KIF20B: variants seen among roughly 807,000 people sequenced by gnomAD.
The protein encoded by KIF20B is kinesin family member 20B, also known as kinesin-like protein KIF20B.
A neutral mutation model predicts 232.5 loss-of-function variants in KIF20B; 188 were observed. The ratio of observed to expected loss-of-function variants is 0.81; its 90% confidence interval spans 0.72 to 0.91. The LOEUF (loss-of-function observed/expected upper bound fraction) is 0.91. Among genes scored for constraint, KIF20B ranks in the 40% least tolerant of loss-of-function variants. The pLI is 0.00. For synonymous variants in KIF20B, 712 were observed against 683.0 expected, an observed-to-expected ratio of 1.04 and a Z score of -0.66; for missense variants, 2,154 against 2,055.9, an observed-to-expected ratio of 1.05 and a Z score of -0.92.
intron 18 of KIF20B, 71 bp from the exon 19 acceptor site, chr10:89,732,832 G>C: frequency 7.6e-7 from 1 of 1,317,688 alleles, no homozygotes; most frequent in Non-Finnish European, 1.0e-6. Context: ...ACCATTGAAA[G>C]TAATTTATGT....
At chr10:89,741,562 T>C (rs897259758) in intron 21 of KIF20B, among the ~76,000 whole-genome samples, 1 of 152,342 alleles carries the variant, frequency 6.6e-6, no homozygotes, top group Admixed American at 6.5e-5. Context: ...AGTTGACATA[T>C]TATCTTAATC....
At chr10:89,765,548 A>G (rs1373770653) in intron 29 of KIF20B, among the ~76,000 whole-genome samples, 3 of 152,124 alleles carry the variant, frequency 2.0e-5, no homozygotes, top group African/African-American at 4.8e-5. Context: ...TAAAGTTCAT[A>G]TGGAACCAAA....
At chr10:89,760,748 C>T (rs1842222635) in intron 28 of KIF20B, 112 bp downstream of exon 28, 3 of 638,398 alleles carry the variant, frequency 4.7e-6, no homozygotes, top group Non-Finnish European at 8.2e-6. Context: ...GCTGTGTGTG[C>T]TCTGGGCTGT....
chr10:89,738,437 G>C lies in KIF20B; in HGVS notation c.3596G>C (p.Arg1199Thr), dbSNP rs1841716305. The change falls in exon 20 of 33, where the codon AGA (arginine) becomes ACA (threonine). Residue 1199 changes from arginine to threonine, a missense_variant. Transcript: ENST00000371728. Reference sequence around the variant, plus strand: ...GAATCTATCATCTTAAAGCTAGAAAGAAATTTGAAGGAATTTCAAGAACAT... The same window carrying C: ...GAATCTATCATCTTAAAGCTAGAAACAAATTTGAAGGAATTTCAAGAACAT... ...EKESIILKLERNLKEFQEHLQ... is the reference protein window; with the variant it reads ...EKESIILKLETNLKEFQEHLQ... 6.2e-7 allele frequency: 1 copy of C among 1,602,866 alleles called. No individual in the cohort carries two copies. Among genetic ancestry groups the C allele is most frequent in the South Asian group, 1.1e-5 (1 of 87,416 alleles).
intron 25 of KIF20B, 66 bp downstream of exon 25, chr10:89,752,757 G>T (rs906566742): frequency 8.4e-7 from 1 of 1,186,684 alleles, no homozygotes; most frequent in Non-Finnish European, 1.1e-6. Context: ...AATAAGAGGA[G>T]AATTCAGTAT....
chr10:89,738,028 G>A lies in KIF20B; in HGVS notation c.3187G>A (p.Glu1063Lys). 1 of 1,613,422 alleles carries A rather than the reference G, an allele frequency of 6.2e-7. No individual in the cohort carries two copies. The highest frequency in any genetic ancestry group is 8.5e-7 in the Non-Finnish European group (1 of 1,179,610). The change falls in exon 20 of 33, where the codon GAA becomes AAA. Residue 1063 changes from glutamate (E) to lysine (K), a missense_variant. By Grantham distance (56) the Glu-to-Lys change is moderately conservative. Transcript: ENST00000371728. ...CTCTAGTATTGAAGCTATTTGGGAA[G>A]AATGTAAAGAGATTGTGAAGGCCTC... The part of the protein sequence containing the change: ...FHSSIEAIWE[E>K]CKEIVKASSK...
At chr10:89,733,638 A>C (rs540426293) in intron 19 of KIF20B, among the ~76,000 whole-genome samples, 1 of 152,340 alleles carries the variant, frequency 6.6e-6, no homozygotes, top group East Asian at 1.9e-4. Flanking sequence ...AATAAACTGA[A>C]AATCTTGAGG....
chr10:89,762,202 A>G (rs1175667837), intron 28 of KIF20B, among the ~76,000 whole-genome samples: 3 of 152,132 alleles, frequency 2.0e-5, no homozygotes, highest in Admixed American at 6.6e-5. Context: ...ACCACATCCT[A>G]TTGGCTATAA....
chr10:89,764,585 A>G (rs1234649834), intron 29 of KIF20B, among the ~76,000 whole-genome samples: 1 of 152,116 alleles, frequency 6.6e-6, no homozygotes, highest in South Asian at 2.1e-4. Context: ...AATGATGGCC[A>G]TTCTAACTGG....
At position 89,717,473 on chromosome 10, in the gene KIF20B, T is replaced by C; in HGVS notation, c.1102T>C (p.Ser368Pro). Residue 368 changes from serine to proline, a missense_variant, in exon 10 of 33, where the codon TCT (serine) becomes CCT (proline). Coordinates refer to ENST00000371728, the MANE Select transcript of KIF20B (RefSeq NM_001284259.2). The part of the protein sequence containing the change: ...KILQIEDSEM[S>P]RVIRVSELSL... The stretch of plus-strand genomic sequence containing the variant: ...ATTACAGATTGAAGATTCTGAAATG[T>C]CTCGTGTAATTCGAGTCAGTGAGTA... 3 of 1,598,042 alleles carry C rather than the reference T, an allele frequency of 1.9e-6. No homozygotes were observed. Among genetic ancestry groups the C allele is most frequent in the Admixed American group, 3.3e-5 (2 of 59,744 alleles).
intron 21 of KIF20B, among the ~76,000 whole-genome samples, chr10:89,742,395 C>T (rs1440226836): frequency 6.6e-6 from 1 of 152,106 alleles, no homozygotes; most frequent in Non-Finnish European, 1.5e-5. Flanking sequence ...TGTCTAAGTT[C>T]ACTTGTCTTA....
chr10:89,727,216 C>G (rs891323758), intron 16 of KIF20B, among the ~76,000 whole-genome samples: 1 of 151,452 alleles, frequency 6.6e-6, no homozygotes, highest in Admixed American at 6.6e-5. Flanking sequence ...TTTGATGCTT[C>G]ATTCTAACTA....
At chr10:89,743,725 C>T in intron 21 of KIF20B, 83 bp from the exon 22 acceptor site, 3 of 890,692 alleles carry the variant, frequency 3.4e-6, no homozygotes. Context: ...AATCTTTGAA[C>T]ATAGTTGCCA....
intron 14 of KIF20B, among the ~76,000 whole-genome samples, chr10:89,724,313 G>A (rs890005149): frequency 6.6e-6 from 1 of 152,056 alleles, no homozygotes. Flanking sequence ...GATCACTGAA[G>A]GTCAGGAGGT....
rs1350388049 is a variant in KIF20B at position 89,717,514 on chromosome 10, AAATTT to A, written c.1124+24_1124+28del. On this transcript the variant is annotated intron_variant, in intron 10 of 32. Coordinates refer to ENST00000371728, the MANE Select transcript of KIF20B (RefSeq NM_001284259.2). ...TCAGTGAGTAAGTTGAATATTCTTT[AAATTT>A]AATTATTTGTAATTGTTTTGAAGAA... is the stretch of plus-strand genomic sequence containing the variant. 2 of 1,584,904 alleles carry A rather than the reference AAATTT, an allele frequency of 1.3e-6. No homozygotes were observed. The highest frequency in any genetic ancestry group is 8.6e-7 in the Non-Finnish European group (1 of 1,160,456).
At chr10:89,772,967 T>C (rs1316406190) in intron 32 of KIF20B, 136 bp downstream of exon 32, 1 of 645,164 alleles carries the variant, frequency 1.5e-6, no homozygotes, top group African/African-American at 1.9e-5. Context: ...CTCACATGTG[T>C]TAAGTTTATA....
At chr10:89,757,040 G>GTGTGTATATATATATATATA (rs1301847520) in intron 26 of KIF20B, among the ~76,000 whole-genome samples, 17 of 110,744 alleles carry the variant, frequency 1.5e-4, no homozygotes, top group Admixed American at 4.8e-4. Flanking sequence ...GTGTGTGTGT[G>GTGTGTATATATATATATATA]TATATATATA....
At chr10:89,717,846 G>A (rs1173327840) in intron 11 of KIF20B, 124 bp downstream of exon 11, 19 of 582,476 alleles carry the variant, frequency 3.3e-5, no homozygotes, top group South Asian at 1.4e-4. Context: ...ACTGTGTATA[G>A]ATTGTGATTC....
Position 89,772,790 on chromosome 10 carries a change from A to G in KIF20B, c.5344A>G (p.Thr1782Ala), listed in dbSNP as rs763169833. The change falls in exon 32 of 33, where the codon ACA becomes GCA. Residue 1782 changes from threonine to alanine, a missense_variant. Transcript: ENST00000371728. ...AAAACGAGCCAAACGGAAATTATAC[A>G]CAAGTGAAATTTCATCTCCTATTGA... Reference protein sequence around the residue: ...QPKRAKRKLYTSEISSPIDIS... With the variant: ...QPKRAKRKLYASEISSPIDIS... 2.5e-6 allele frequency: 4 copies of G among 1,610,348 alleles called. No homozygotes were observed. Among genetic ancestry groups the G allele is most frequent in the Non-Finnish European group, 3.4e-6 (4 of 1,177,936 alleles).
Sources: allele counts gnomAD v4.1 joint callset (sites outside exome capture counted in the v4.1 genomes callset), GRCh38; gene constraint gnomAD v4.1.1; transcripts MANE v1.5; gene names NCBI Gene and HGNC (gene_info 2026-07-23, HGNC 2026-07-21).